The following ROBO1 variants were observed in gnomAD, a reference collection of about 807,000 sequenced individuals.
ROBO1 encodes roundabout guidance receptor 1.
A neutral mutation model predicts 195.9 loss-of-function variants in ROBO1; 149 were observed. That is an observed-to-expected ratio of 0.76 (90% CI 0.67 to 0.87). The LOEUF is 0.87. Among genes scored for constraint, ROBO1 ranks in the 40% least tolerant of loss-of-function variants. The probability of loss-of-function intolerance (pLI) is 0.00; values close to 1 mark genes in which losing one functional copy is unlikely to be tolerated. For synonymous variants in ROBO1, 816 were observed against 733.2 expected, an observed-to-expected ratio of 1.11 and a Z score of -1.82; for missense variants, 1,933 against 2,068.3, an observed-to-expected ratio of 0.93 and a Z score of 1.27.
chr3:78,829,883 A>G (rs1334094933), intron 4 of ROBO1, among the ~76,000 whole-genome samples: 1 of 152,178 alleles, frequency 6.6e-6, no homozygotes, highest in Non-Finnish European at 1.5e-5. Context: ...CATTATTGGC[A>G]TGTTTAAAAC....
Position 78,627,311 on chromosome 3 carries a change from G to A in ROBO1, c.3875+10C>T. ...TGATTTGTTAGCAAAGAAGGCTAGT[G>A]ACAACATACCTCCTGTCGGGCTGGT... On this transcript the variant is annotated intron_variant, in intron 26 of 30. Coordinates refer to ENST00000464233, the MANE Select transcript of ROBO1 (RefSeq NM_002941.4). 6.2e-7 allele frequency: 1 copy of A among 1,608,844 alleles called. No individual in the cohort carries two copies. Among genetic ancestry groups the A allele is most frequent in the Non-Finnish European group, 8.5e-7 (1 of 1,177,080 alleles).
chr3:79,189,830 C>A (rs1378383742), intron 2 of ROBO1, among the ~76,000 whole-genome samples: 2 of 151,506 alleles, frequency 1.3e-5, no homozygotes, highest in South Asian at 2.1e-4. Flanking sequence ...ATAAATAGAG[C>A]AATTTTTATT....
intron 3 of ROBO1, among the ~76,000 whole-genome samples, chr3:79,003,998 C>A (rs1384188028): frequency 1.3e-5 from 2 of 152,128 alleles, no homozygotes; most frequent in African/African-American, 2.4e-5. Context: ...ACATGTTTTT[C>A]TCCTGCACTA....
At chr3:79,393,347 G>A (rs2037024599) in intron 2 of ROBO1, among the ~76,000 whole-genome samples, 1 of 152,170 alleles carries the variant, frequency 6.6e-6, no homozygotes, top group Non-Finnish European at 1.5e-5. Context: ...GGTAATTTGA[G>A]CCCAAACTCT....
chr3:78,608,930 A>T (rs966854398), intron 28 of ROBO1, among the ~76,000 whole-genome samples: 26 of 152,260 alleles, frequency 1.7e-4, no homozygotes, highest in East Asian at 9.7e-4. Context: ...GTTCAGTTTT[A>T]AAAAAGTGAA....
intron 2 of ROBO1, among the ~76,000 whole-genome samples, chr3:79,247,686 T>C (rs2082649659): frequency 6.6e-6 from 1 of 151,900 alleles, no homozygotes; most frequent in African/African-American, 2.4e-5. Context: ...AAAGAAAAAA[T>C]ATTTAATACT....
intron 4 of ROBO1, among the ~76,000 whole-genome samples, chr3:78,793,170 A>G (rs9810277): frequency 0.034 from 5,112 of 151,898 alleles, 291 homozygotes; most frequent in African/African-American, 0.12. Flanking sequence ...AGAGAAAGGG[A>G]AAGGAAAGGA....
rs115271060 is a variant in ROBO1, at chr3:79,622,216, C to T, written c.-50-32255G>A. Among the ~76,000 whole-genome samples, 863 of 152,282 alleles carry T rather than the reference C, an allele frequency of 5.7e-3. 6 individuals carry two copies. The highest frequency in any genetic ancestry group is 0.018 in the African/African-American group (750 of 41,578). On this transcript the variant is annotated intron_variant, in intron 1 of 30. Coordinates refer to ENST00000464233, the MANE Select transcript of ROBO1 (RefSeq NM_002941.4). ...GTGCAAACCATGGATTGGAAAATCCCACTCATGAACCCACTCCACCAGAGC... is the reference window on the plus strand; with the variant it reads ...GTGCAAACCATGGATTGGAAAATCCTACTCATGAACCCACTCCACCAGAGC...
At chr3:79,141,439 T>C (rs1208656907) in intron 2 of ROBO1, among the ~76,000 whole-genome samples, 1 of 152,188 alleles carries the variant, frequency 6.6e-6, no homozygotes, top group Non-Finnish European at 1.5e-5. Flanking sequence ...CTTCAGGTTT[T>C]TTAAAGGTCA....
At chr3:78,786,484 G>C (rs1455008698) in intron 4 of ROBO1, among the ~76,000 whole-genome samples, 1 of 152,006 alleles carries the variant, frequency 6.6e-6, no homozygotes, top group Non-Finnish European at 1.5e-5. Context: ...CATGATTCAA[G>C]TATTATCATT....
intron 4 of ROBO1, among the ~76,000 whole-genome samples, chr3:78,931,416 T>G (rs2107648653): frequency 6.6e-6 from 1 of 151,898 alleles, no homozygotes; most frequent in East Asian, 2.0e-4. Context: ...CCGTCTAATT[T>G]TGTATTTTCA....
At chr3:79,642,562 A>G (rs1364340907) in intron 1 of ROBO1, among the ~76,000 whole-genome samples, 1 of 152,176 alleles carries the variant, frequency 6.6e-6, no homozygotes, top group Non-Finnish European at 1.5e-5. Flanking sequence ...GCCCCAGTTC[A>G]TCTAGAAACA....
intron 3 of ROBO1, among the ~76,000 whole-genome samples, chr3:79,108,919 T>C (rs1324651354): frequency 2.6e-5 from 4 of 151,990 alleles, no homozygotes; most frequent in Non-Finnish European, 5.9e-5. Flanking sequence ...ACAAAAACTA[T>C]ATGTTGTATA....
At chr3:79,405,344 A>G (rs2037507062) in intron 2 of ROBO1, among the ~76,000 whole-genome samples, 1 of 152,172 alleles carries the variant, frequency 6.6e-6, no homozygotes, top group Admixed American at 6.6e-5. Flanking sequence ...TTTGCTCTAC[A>G]AAGAGGTCAG....
At chr3:79,344,242 C>T (rs1399585216) in intron 2 of ROBO1, among the ~76,000 whole-genome samples, 2 of 152,166 alleles carry the variant, frequency 1.3e-5, no homozygotes, top group African/African-American at 4.8e-5. Flanking sequence ...GTTCTCAATC[C>T]AAGGTGATTT....
intron 1 of ROBO1, among the ~76,000 whole-genome samples, chr3:79,643,016 T>C (rs907452619): frequency 4.6e-5 from 7 of 152,118 alleles, no homozygotes; most frequent in Non-Finnish European, 7.4e-5. Context: ...AGATTAACAT[T>C]TGAATCAGTG....
intron 29 of ROBO1, among the ~76,000 whole-genome samples, chr3:78,605,270 C>T (rs554827223): frequency 7.2e-5 from 11 of 152,264 alleles, no homozygotes; most frequent in Admixed American, 2.0e-4. Flanking sequence ...ATCTCTGGGT[C>T]GGTCAATCTG....
chr3:79,030,087 T>A (rs950456465), intron 3 of ROBO1, among the ~76,000 whole-genome samples: 8 of 152,216 alleles, frequency 5.3e-5, no homozygotes, highest in Non-Finnish European at 1.0e-4. Context: ...ATTGCAGATA[T>A]CTGGGCATTC....
intron 2 of ROBO1, among the ~76,000 whole-genome samples, chr3:79,139,150 T>A (rs941206911): frequency 7.0e-4 from 106 of 151,446 alleles, no homozygotes; most frequent in South Asian, 4.1e-4. Context: ...ATATATATAT[T>A]TTATGCTATT....
Sources: allele counts gnomAD v4.1 joint callset (sites outside exome capture counted in the v4.1 genomes callset), GRCh38; gene constraint gnomAD v4.1.1; transcripts MANE v1.5; gene names NCBI Gene and HGNC (gene_info 2026-07-23, HGNC 2026-07-21).